The following TENM2 variants were observed in gnomAD, a reference collection of about 807,000 sequenced individuals.
TENM2 encodes the protein teneurin transmembrane protein 2, also known as teneurin-2.
Under a neutral mutation model 245.2 loss-of-function variants are expected in TENM2, and 52 were observed. The ratio of observed to expected loss-of-function variants is 0.21; its 90% confidence interval spans 0.17 to 0.27. The LOEUF is 0.27. TENM2 is among the 10% of genes least tolerant of loss of function. The probability of loss-of-function intolerance (pLI) is 1.00; values close to 1 mark genes in which losing one functional copy is unlikely to be tolerated. For missense variants in TENM2, 3,046 were observed against 3,666.8 expected, an observed-to-expected ratio of 0.83 and a Z score of 4.37; for synonymous variants, 1,363 against 1,438.9, an observed-to-expected ratio of 0.95 and a Z score of 1.19.
At chr5:167,071,177 A>G in the TENM2 span, among the ~76,000 whole-genome samples, 1 of 152,208 alleles carries the variant, frequency 6.6e-6, no homozygotes, top group South Asian at 2.1e-4. Context: ...TTTTTAAAAA[A>G]TTCAACCCAT....
intron 7 of TENM2, among the ~76,000 whole-genome samples, chr5:168,077,232 A>G (rs567735076): frequency 6.6e-6 from 1 of 152,260 alleles, no homozygotes; most frequent in South Asian, 2.1e-4. Context: ...TCCAAAAGGC[A>G]TTTCCTGAAG....
intron 1 of TENM2, among the ~76,000 whole-genome samples, chr5:167,290,417 T>C (rs959776369): frequency 3.3e-5 from 5 of 152,232 alleles, no homozygotes; most frequent in African/African-American, 1.2e-4. Context: ...TTTTAATAAG[T>C]GCTAGTAGTT....
intron 2 of TENM2, among the ~76,000 whole-genome samples, chr5:167,805,152 G>T (rs1278654719): frequency 3.3e-5 from 5 of 152,110 alleles, no homozygotes; most frequent in South Asian, 2.1e-4. Flanking sequence ...GAGGGGCATT[G>T]TCTGAAGTGG....
intron 3 of TENM2, among the ~76,000 whole-genome samples, chr5:167,907,083 T>C (rs1398500304): frequency 6.6e-6 from 1 of 151,686 alleles, no homozygotes. Flanking sequence ...AAATACAAAA[T>C]TAGCCGGGTG....
chr5:168,185,935 TA>T, intron 13 of TENM2, among the ~76,000 whole-genome samples: 1 of 6,164 alleles, frequency 1.6e-4, no homozygotes, highest in Admixed American at 2.3e-3. Flanking sequence ...TATATATATA[TA>T]TATATATATA....
At chr5:168,156,116 C>G (rs905225745) in intron 12 of TENM2, among the ~76,000 whole-genome samples, 2 of 151,686 alleles carry the variant, frequency 1.3e-5, no homozygotes, top group African/African-American at 4.8e-5. Flanking sequence ...GTAAAATATA[C>G]CATTTTACAA....
At chr5:168,201,565 G>A (rs1361864250) in intron 17 of TENM2, among the ~76,000 whole-genome samples, 1 of 151,798 alleles carries the variant, frequency 6.6e-6, no homozygotes, top group East Asian at 1.9e-4. Flanking sequence ...ATTTAAGAAT[G>A]TATCTCTAAA....
At chr5:167,750,555 G>A (rs140456252) in intron 2 of TENM2, among the ~76,000 whole-genome samples, 1 of 152,214 alleles carries the variant, frequency 6.6e-6, no homozygotes, top group African/African-American at 2.4e-5. Flanking sequence ...TACCATAGAA[G>A]CAGTTAATCA....
At chr5:167,691,911 A>G (rs972432930) in intron 2 of TENM2, among the ~76,000 whole-genome samples, 2 of 152,166 alleles carry the variant, frequency 1.3e-5, no homozygotes, top group Admixed American at 6.5e-5. Flanking sequence ...AACTATCTTA[A>G]GTAGTTTGGA....
At position 167,535,540 on chromosome 5, in the gene TENM2, G is replaced by A. The variant is rs191246282; in HGVS notation, c.502+160067G>A. ...GTGAAACTTTATTCTCATTGTGCAC[G>A]CATTTAGGGAGTGATTCAGACACGA... On this transcript the variant is annotated intron_variant, in intron 2 of 28. Transcript: ENST00000518659. 6.0e-3 allele frequency among the ~76,000 whole-genome samples: 908 copies of A among 152,206 alleles called. 9 individuals are homozygous for A. Among genetic ancestry groups the A allele is most frequent in the Non-Finnish European group, 7.1e-3 (483 of 68,022 alleles).
the TENM2 span, among the ~76,000 whole-genome samples, chr5:167,241,457 C>CACTT: frequency 2.6e-3 from 397 of 152,196 alleles, 2 homozygotes; most frequent in African/African-American, 9.3e-3. Flanking sequence ...GAAGAAGTGA[C>CACTT]AAGCTAAGTC....
intron 9 of TENM2, among the ~76,000 whole-genome samples, chr5:168,108,549 AG>A (rs1452571154): frequency 6.6e-6 from 1 of 152,242 alleles, no homozygotes; most frequent in African/African-American, 2.4e-5. Flanking sequence ...CTTCACAACA[AG>A]CCTTTGCAAT....
chr5:167,084,366 T>TATATATATAC, the TENM2 span, among the ~76,000 whole-genome samples: 60 of 114,876 alleles, frequency 5.2e-4, 4 homozygotes, highest in Admixed American at 4.6e-3. Flanking sequence ...TATATATATA[T>TATATATATAC]ACAGATCAGA....
chr5:167,453,305 T>C (rs1765719288), intron 2 of TENM2, among the ~76,000 whole-genome samples: 1 of 152,096 alleles, frequency 6.6e-6, no homozygotes, highest in Non-Finnish European at 1.5e-5. Flanking sequence ...TTTGTTGAAA[T>C]GGCCCAATTT....
Position 167,812,369 on chromosome 5 carries a change from C to T in TENM2, c.503-63617C>T, listed in dbSNP as rs1766706001. Among the ~76,000 whole-genome samples, 5 of 152,268 alleles carry T rather than the reference C, an allele frequency of 3.3e-5. No homozygotes were observed. In the South Asian group the frequency reaches 1.0e-3, roughly 32 times the overall value. On this transcript the variant is annotated intron_variant, in intron 2 of 28. Coordinates refer to ENST00000518659, the Ensembl canonical transcript of TENM2. ...AAGTGATAATTGTGCAAGTTTGCCT[C>T]GTAGACCTGGCTTGAAGACAATCCA...
At chr5:167,353,489 TTG>T (rs1284692907) in intron 1 of TENM2, among the ~76,000 whole-genome samples, 72 of 87,840 alleles carry the variant, frequency 8.2e-4, no homozygotes, top group African/African-American at 1.2e-3. Flanking sequence ...GTGTTTTTTG[TTG>T]TTGTTGTTGT....
At chr5:167,136,808 T>C in the TENM2 span, among the ~76,000 whole-genome samples, 1 of 152,226 alleles carries the variant, frequency 6.6e-6, no homozygotes, top group African/African-American at 2.4e-5. Context: ...AATGGACATA[T>C]GATACATCTC....
chr5:167,896,599 C>T (rs1392918262), intron 3 of TENM2, among the ~76,000 whole-genome samples: 1 of 152,100 alleles, frequency 6.6e-6, no homozygotes, highest in Non-Finnish European at 1.5e-5. Flanking sequence ...AAAACATTTA[C>T]AATCTAAAAT....
the TENM2 span, among the ~76,000 whole-genome samples, chr5:167,249,472 T>C: frequency 6.6e-6 from 1 of 152,128 alleles, no homozygotes; most frequent in East Asian, 1.9e-4. Flanking sequence ...CCCCTCTGTC[T>C]CTCACCTCCT....
Sources: gnomAD v4.1 joint callset for allele counts (sites outside exome capture counted in the v4.1 genomes callset) on GRCh38, gnomAD v4.1.1 for gene constraint, MANE v1.5 for transcripts, NCBI Gene and HGNC (gene_info 2026-07-23, HGNC 2026-07-21) for gene names.